DDX4: variants seen among roughly 807,000 people sequenced by gnomAD.
DDX4 encodes the protein probable ATP-dependent RNA helicase DDX4.
A neutral mutation model predicts 100.0 loss-of-function variants in DDX4; 25 were observed. The ratio of observed to expected loss-of-function variants is 0.25; its 90% CI spans 0.18 to 0.35. DDX4 has a LOEUF of 0.35. Ranked by LOEUF, DDX4 falls within the 10% of genes least tolerant of loss-of-function variation. The probability of loss-of-function intolerance (pLI) is 1.00; values close to 1 mark genes in which losing one functional copy is unlikely to be tolerated. For synonymous variants in DDX4, 259 were observed against 275.7 expected, an observed-to-expected ratio of 0.94 and a Z score of 0.60; for missense variants, 635 against 882.4, an observed-to-expected ratio of 0.72 and a Z score of 3.55.
chr5:55,755,194 C>T (rs1487730387), intron 3 of DDX4, among the ~76,000 whole-genome samples: 1 of 152,132 alleles, frequency 6.6e-6, no homozygotes, highest in Non-Finnish European at 1.5e-5. Flanking sequence ...ATAAAATCTA[C>T]AGTTCATTGA....
At chr5:55,742,058 C>T in intron 2 of DDX4, 1 of 428,014 alleles carries the variant, frequency 2.3e-6, no homozygotes, top group Non-Finnish European at 4.8e-6. Context: ...TCTAGTATAA[C>T]AGATAGAATT....
intron 19 of DDX4, among the ~76,000 whole-genome samples, chr5:55,814,195 T>C (rs555565831): frequency 4.7e-4 from 71 of 152,242 alleles, no homozygotes; most frequent in Admixed American, 1.6e-3. Flanking sequence ...TCCTAAAATA[T>C]CACGTAGTAT....
At chr5:55,800,723 GGTCAAT>G (rs1159122981) in intron 18 of DDX4, among the ~76,000 whole-genome samples, 1 of 151,906 alleles carries the variant, frequency 6.6e-6, no homozygotes, top group Non-Finnish European at 1.5e-5. Flanking sequence ...CTTGAGAAAA[GGTCAAT>G]GTATTATATA....
At chr5:55,763,888 A>G in intron 5 of DDX4, 126 bp from the exon 6 acceptor site, 1 of 641,982 alleles carries the variant, frequency 1.6e-6, no homozygotes, top group South Asian at 1.9e-5. Context: ...GTGAATTTGC[A>G]TGTGATAGCT....
chr5:55,792,848 T>G, intron 17 of DDX4, 41 bp downstream of exon 17: 1 of 1,108,146 alleles, frequency 9.0e-7, no homozygotes, highest in Non-Finnish European at 1.2e-6. Context: ...TATATATATA[T>G]ACATACTTTT....
chr5:55,773,033 A>G (rs1373329778), intron 7 of DDX4: 2 of 152,230 alleles, frequency 1.3e-5, no homozygotes, highest in African/African-American at 2.4e-5. Flanking sequence ...CTATAACAAA[A>G]TGCTATAAAC....
chr5:55,784,993 A>G (rs1742155923), intron 10 of DDX4, among the ~76,000 whole-genome samples: 1 of 152,204 alleles, frequency 6.6e-6, no homozygotes, highest in African/African-American at 2.4e-5. Context: ...CTGAACTGGG[A>G]ATGGTCTTGG....
chr5:55,746,679 C>T (rs1299655440), intron 3 of DDX4, among the ~76,000 whole-genome samples: 2 of 152,140 alleles, frequency 1.3e-5, no homozygotes, highest in Non-Finnish European at 2.9e-5. Flanking sequence ...CTTAGGAGAA[C>T]AATAAAAACG....
intron 3 of DDX4, among the ~76,000 whole-genome samples, chr5:55,747,334 C>T (rs1213854673): frequency 4.6e-5 from 7 of 152,140 alleles, no homozygotes; most frequent in Non-Finnish European, 7.3e-5. Context: ...GTCGAGATTA[C>T]GCCACTGTAC....
At chr5:55,746,859 A>G (rs531514380) in intron 3 of DDX4, among the ~76,000 whole-genome samples, 1 of 152,302 alleles carries the variant, frequency 6.6e-6, no homozygotes, top group African/African-American at 2.4e-5. Flanking sequence ...TGGTAGGACT[A>G]GGCTGGGAAA....
intron 14 of DDX4, among the ~76,000 whole-genome samples, chr5:55,787,335 G>C (rs1224370357): frequency 6.6e-6 from 1 of 152,154 alleles, no homozygotes; most frequent in Non-Finnish European, 1.5e-5. Context: ...TGTCTTATTT[G>C]CTTAAATGAG....
chr5:55,763,893 A>T (rs1740724423), intron 5 of DDX4, 121 bp from the exon 6 acceptor site: 1 of 663,480 alleles, frequency 1.5e-6, no homozygotes, highest in Non-Finnish European at 2.7e-6. Context: ...TTTGCATGTG[A>T]TAGCTATGTA....
At chr5:55,766,028 A>G (rs1385572631) in intron 6 of DDX4, among the ~76,000 whole-genome samples, 1 of 144,378 alleles carries the variant, frequency 6.9e-6, no homozygotes, top group Admixed American at 7.2e-5. Context: ...CACGTTGGCC[A>G]GGCTGGTCTC....
In DDX4 at chr5:55,760,213, A is replaced by G; in HGVS notation, c.141A>G (p.Gly47=). ...TGTTTGCTTTAGAAATGGATGATGG[A>G]CCTTCTCGAAGAGATCATTTCATGA... The part of the protein sequence containing the change: ...TPASSSEMDD[G]PSRRDHFMKS... Residue 47 remains glycine (G), a synonymous_variant, in exon 4 of 22, where the codon GGA becomes GGG. Coordinates refer to ENST00000505374, the MANE Select transcript of DDX4 (RefSeq NM_024415.3). The G allele has an allele frequency of 6.4e-7, 1 of 1,569,304 alleles. No individual in the cohort carries two copies. The highest frequency in any genetic ancestry group is 1.2e-5 in the South Asian group (1 of 82,862).
intron 19 of DDX4, 72 bp from the exon 20 acceptor site, chr5:55,814,829 A>G: frequency 6.7e-7 from 1 of 1,500,524 alleles, no homozygotes; most frequent in Middle Eastern, 1.8e-4. Flanking sequence ...AGAAATTTGT[A>G]TGTTGAACTT....
intron 6 of DDX4, among the ~76,000 whole-genome samples, chr5:55,765,414 AT>A (rs376050344): frequency 0.037 from 2,410 of 64,562 alleles, 27 homozygotes; most frequent in South Asian, 0.082. Context: ...AAAAAAAAAA[AT>A]ATATATATAT....
chr5:55,782,112 C>A, intron 10 of DDX4, 131 bp downstream of exon 10: 2 of 1,008,874 alleles, frequency 2.0e-6, no homozygotes, highest in Non-Finnish European at 2.9e-6. Flanking sequence ...TGCTTTTATA[C>A]ACTGTGAGGA....
chr5:55,757,973 G>C (rs1237975017), intron 3 of DDX4, among the ~76,000 whole-genome samples: 4 of 152,044 alleles, frequency 2.6e-5, no homozygotes, highest in African/African-American at 9.7e-5. Context: ...TGAACCTGGG[G>C]GTCAGAGGTC....
intron 7 of DDX4, among the ~76,000 whole-genome samples, chr5:55,778,159 TAA>T (rs1338754476): frequency 6.6e-6 from 1 of 152,172 alleles, no homozygotes; most frequent in Non-Finnish European, 1.5e-5. Context: ...AAGAAATCAA[TAA>T]GTCTAACCTT....
Sources: gnomAD v4.1 joint callset for allele counts (sites outside exome capture counted in the v4.1 genomes callset) on GRCh38, gnomAD v4.1.1 for gene constraint, MANE v1.5 for transcripts, NCBI Gene and HGNC (gene_info 2026-07-23, HGNC 2026-07-21) for gene names.